Variants in HMGCLL1 observed in about 807,000 individuals in gnomAD.
HMGCLL1 encodes 3-hydroxy-3-methylglutaryl-CoA lyase like 1.
A neutral mutation model predicts 39.1 loss-of-function variants in HMGCLL1; 36 were observed. That is an observed-to-expected ratio of 0.92 (90% CI 0.71 to 1.22). The LOEUF is 1.22. Among genes scored for constraint, HMGCLL1 ranks in the 50% most tolerant of loss-of-function variants. The pLI, the probability that HMGCLL1 is intolerant of heterozygous loss-of-function variation, is 0.00. For missense variants in HMGCLL1, 451 were observed against 416.5 expected, an observed-to-expected ratio of 1.08 and a Z score of -0.72; for synonymous variants, 149 against 144.0, an observed-to-expected ratio of 1.03 and a Z score of -0.25.
At chr6:55,659,564 T>A in the HMGCLL1 span, among the ~76,000 whole-genome samples, 1 of 151,868 alleles carries the variant, frequency 6.6e-6, no homozygotes, top group African/African-American at 2.4e-5. Flanking sequence ...AGAGGGTGAT[T>A]TTTCCAGACT....
chr6:55,579,156 T>G lies in HMGCLL1; in HGVS notation c.-101A>C, dbSNP rs1333589870. On this transcript the variant is annotated 5_prime_UTR_variant, in exon 1 of 9. Transcript: ENST00000274901. ...CTGCGCCAGCTCGGGAGCGCGCCCCTCCGGTGCACTGGCTGTGAGGACCAG... is the reference window on the plus strand; with the variant it reads ...CTGCGCCAGCTCGGGAGCGCGCCCCGCCGGTGCACTGGCTGTGAGGACCAG... The G allele has an allele frequency of 2.4e-6, 2 of 845,956 alleles. No individual in the cohort carries two copies. The highest frequency in any genetic ancestry group is 2.7e-5 in the East Asian group (1 of 37,700). The allele number at this position is 845,956 out of a possible 1,614,324, so 52.4% of individuals were successfully genotyped here. A position where few individuals can be genotyped will look rare whatever the true frequency, so the allele number is the denominator to read the frequency against.
chr6:55,508,914 T>A (rs886386497), intron 5 of HMGCLL1, among the ~76,000 whole-genome samples: 5 of 151,100 alleles, frequency 3.3e-5, no homozygotes, highest in African/African-American at 1.2e-4. Flanking sequence ...GAAAAAGTAT[T>A]AATGCTAATT....
At chr6:55,458,816 CTT>C (rs1255646367) in intron 7 of HMGCLL1, among the ~76,000 whole-genome samples, 3 of 152,132 alleles carry the variant, frequency 2.0e-5, no homozygotes, top group Non-Finnish European at 4.4e-5. Flanking sequence ...TCACAAAAGA[CTT>C]TGCTGTTTGA....
chr6:55,604,887 A>C, the HMGCLL1 span, among the ~76,000 whole-genome samples: 1 of 151,348 alleles, frequency 6.6e-6, no homozygotes, highest in African/African-American at 2.4e-5. Flanking sequence ...ATTTTCCACT[A>C]TCCTATGTAT....
At chr6:55,657,364 T>C in the HMGCLL1 span, among the ~76,000 whole-genome samples, 1 of 152,106 alleles carries the variant, frequency 6.6e-6, no homozygotes, top group South Asian at 2.1e-4. Flanking sequence ...TGAGTTATTT[T>C]TTGTATATTA....
At chr6:55,625,083 G>T in the HMGCLL1 span, among the ~76,000 whole-genome samples, 2 of 152,118 alleles carry the variant, frequency 1.3e-5, no homozygotes, top group Admixed American at 1.3e-4. Context: ...GGTTCCAATA[G>T]GTGAATCGCC....
intron 5 of HMGCLL1, among the ~76,000 whole-genome samples, chr6:55,501,735 T>C (rs1184930727): frequency 6.6e-6 from 1 of 151,902 alleles, no homozygotes; most frequent in Non-Finnish European, 1.5e-5. Flanking sequence ...CACCAAGATA[T>C]TATTTTATAT....
intron 1 of HMGCLL1, among the ~76,000 whole-genome samples, 171 bp downstream of exon 1, chr6:55,578,777 T>C (rs1034688845): frequency 6.6e-6 from 1 of 152,124 alleles, no homozygotes; most frequent in African/African-American, 2.4e-5. Context: ...CGAAGAGAGA[T>C]AACGGGAAAC....
At chr6:55,593,478 T>C in the HMGCLL1 span, among the ~76,000 whole-genome samples, 3 of 152,186 alleles carry the variant, frequency 2.0e-5, no homozygotes, top group African/African-American at 7.2e-5. Context: ...ATATTTCTCC[T>C]ATCACTTATG....
In HMGCLL1 at chr6:55,435,426, C is replaced by A; in HGVS notation, c.*236G>T. On this transcript the variant is annotated 3_prime_UTR_variant, in exon 9 of 9. Coordinates refer to ENST00000274901, the MANE Select transcript of HMGCLL1 (RefSeq NM_001042406.2). Reference sequence around the variant, plus strand: ...TATGAGAGCAAAAGAAACTTTTTTCCAAGTTCAAAATTATGACAAGTTTTA... The same window carrying A: ...TATGAGAGCAAAAGAAACTTTTTTCAAAGTTCAAAATTATGACAAGTTTTA... The A allele has an allele frequency of 2.9e-6, 1 of 341,050 alleles. No individual in the cohort carries two copies. 21.1% of individuals were successfully genotyped at this position (341,050 alleles called of 1,614,324 possible).
At chr6:55,549,363 C>A (rs1000807303) in intron 1 of HMGCLL1, among the ~76,000 whole-genome samples, 1 of 138,402 alleles carries the variant, frequency 7.2e-6, no homozygotes, top group African/African-American at 2.6e-5. Context: ...TTGCCCCCTG[C>A]AAATACAGAA....
At chr6:55,674,484 G>A in the HMGCLL1 span, among the ~76,000 whole-genome samples, 1 of 151,834 alleles carries the variant, frequency 6.6e-6, no homozygotes, top group Non-Finnish European at 1.5e-5. Context: ...AATATGCAAT[G>A]CAAAAGCACT....
At chr6:55,620,484 A>G in the HMGCLL1 span, among the ~76,000 whole-genome samples, 1 of 152,056 alleles carries the variant, frequency 6.6e-6, no homozygotes, top group African/African-American at 2.4e-5. Flanking sequence ...TACCTTTTAT[A>G]TCTTCTTTTG....
upstream of HMGCLL1, among the ~76,000 whole-genome samples, chr6:55,582,737 C>G (rs963306066): frequency 6.6e-6 from 1 of 151,996 alleles, no homozygotes; most frequent in Non-Finnish European, 1.5e-5. Context: ...ATTCTAGAAA[C>G]ATTTTAATAC....
chr6:55,624,658 G>C, the HMGCLL1 span, among the ~76,000 whole-genome samples: 1 of 152,194 alleles, frequency 6.6e-6, no homozygotes. Context: ...TTATTGGTGA[G>C]ATATTTGCAT....
At chr6:55,554,034 C>A (rs1166041712) in intron 1 of HMGCLL1, among the ~76,000 whole-genome samples, 1 of 152,060 alleles carries the variant, frequency 6.6e-6, no homozygotes, top group Non-Finnish European at 1.5e-5. Context: ...TCAGTTTGAA[C>A]CTTTGAGAGG....
At position 55,514,264 on chromosome 6, in the gene HMGCLL1, A is replaced by C. The variant is rs890304234; in HGVS notation, c.394-68T>G. ...AATGTGAATGACAGTGGTAGAATAA[A>C]GATTAACTACTCTATGAAGGCATAC... is the stretch of plus-strand genomic sequence containing the variant. On this transcript the variant is annotated intron_variant, in intron 4 of 8. Coordinates refer to ENST00000274901, the MANE Select transcript of HMGCLL1 (RefSeq NM_001042406.2). The C allele has an allele frequency of 6.6e-6, 8 of 1,216,084 alleles. No homozygotes were observed. The African/African-American group carries it at 1.1e-4, about 16-fold the overall frequency. The allele number at this position is 1,216,084 out of a possible 1,614,324, so 75.3% of individuals were successfully genotyped here. A position where few individuals can be genotyped will look rare whatever the true frequency, so the allele number is the denominator to read the frequency against.
chr6:55,492,262 A>T (rs952535595), intron 7 of HMGCLL1, among the ~76,000 whole-genome samples: 1 of 152,202 alleles, frequency 6.6e-6, no homozygotes, highest in Non-Finnish European at 1.5e-5. Flanking sequence ...GGCCCTGTTC[A>T]TAGTGAAGTT....
At chr6:55,644,200 T>C in the HMGCLL1 span, among the ~76,000 whole-genome samples, 3 of 152,092 alleles carry the variant, frequency 2.0e-5, no homozygotes, top group African/African-American at 7.2e-5. Context: ...CATTTGTATG[T>C]CTTCTTTTGA....
Sources: allele counts gnomAD v4.1 joint callset (sites outside exome capture counted in the v4.1 genomes callset), GRCh38; gene constraint gnomAD v4.1.1; transcripts MANE v1.5; gene names NCBI Gene and HGNC (gene_info 2026-07-23, HGNC 2026-07-21).